PCNX1: variants seen among roughly 807,000 people sequenced by gnomAD.
PCNX1 encodes pecanex 1.
In PCNX1, 78 loss-of-function variants were observed where a neutral mutation model predicts 242.2. That is an observed-to-expected ratio of 0.32 (90% CI 0.27 to 0.39). The LOEUF is 0.39. Ranked by LOEUF, PCNX1 falls within the 10% of genes least tolerant of loss-of-function variation. The probability of loss-of-function intolerance (pLI) is 1.00; values close to 1 mark genes in which losing one functional copy is unlikely to be tolerated. For synonymous variants in PCNX1, 1,024 were observed against 1,032.9 expected (o/e 0.99, Z 0.17); for missense variants, 2,581 against 2,856.5 (o/e 0.90, Z 2.20).
chr14:70,968,933 T>C (rs1420074305), intron 4 of PCNX1, 88 bp from the exon 5 acceptor site: 6 of 744,028 alleles, frequency 8.1e-6, no homozygotes, highest in Admixed American at 6.1e-5. Context: ...ACATTAGTAC[T>C]CCTTGATGTA....
At chr14:70,939,879 T>C (rs1480406794) in intron 1 of PCNX1, among the ~76,000 whole-genome samples, 1 of 152,256 alleles carries the variant, frequency 6.6e-6, no homozygotes, top group African/African-American at 2.4e-5. Flanking sequence ...TTTACCGTTA[T>C]GCAATGGCCT....
intron 19 of PCNX1, among the ~76,000 whole-genome samples, chr14:71,042,445 T>G (rs1301334904): frequency 6.6e-6 from 1 of 152,124 alleles, no homozygotes; most frequent in Non-Finnish European, 1.5e-5. Context: ...TTTCATGTCT[T>G]TTGACTTGCA....
rs1023768675 is a variant in PCNX1, at chr14:70,948,743, A to G, written c.362+1620A>G. Among the ~76,000 whole-genome samples, 14 of 149,038 alleles carry G rather than the reference A, an allele frequency of 9.4e-5. No individual in the cohort carries two copies. In the East Asian group the frequency reaches 2.8e-3, roughly 30 times the overall value. ...AGTGTATATACATATATATGTGTAT[A>G]TGTACATATATGTACATATACACAT... On this transcript the variant is annotated intron_variant, in intron 2 of 35. Coordinates refer to ENST00000304743, the MANE Select transcript of PCNX1 (RefSeq NM_014982.3).
intron 26 of PCNX1, among the ~76,000 whole-genome samples, chr14:71,068,402 G>C (rs1028949672): frequency 2.7e-5 from 4 of 148,244 alleles, no homozygotes; most frequent in African/African-American, 9.9e-5. Flanking sequence ...TTATGTATAC[G>C]TATATATATG....
At chr14:70,941,530 A>C (rs1426533122) in intron 1 of PCNX1, among the ~76,000 whole-genome samples, 1 of 152,212 alleles carries the variant, frequency 6.6e-6, no homozygotes, top group African/African-American at 2.4e-5. Flanking sequence ...ATGAGGTGTC[A>C]GTCGACCCGT....
chr14:70,925,314 T>C (rs994707391), intron 1 of PCNX1, among the ~76,000 whole-genome samples: 2 of 152,308 alleles, frequency 1.3e-5, no homozygotes, highest in Admixed American at 6.5e-5. Flanking sequence ...TGTAATTGTT[T>C]TGCATGGTAC....
At chr14:71,013,880 G>A (rs537200828) in intron 11 of PCNX1, among the ~76,000 whole-genome samples, 2 of 152,330 alleles carry the variant, frequency 1.3e-5, no homozygotes, top group Admixed American at 1.3e-4. Flanking sequence ...AGAACTGAGA[G>A]TCCAGGGAGG....
intron 8 of PCNX1, among the ~76,000 whole-genome samples, chr14:71,006,321 C>G (rs1192393653): frequency 6.6e-6 from 1 of 152,064 alleles, no homozygotes; most frequent in African/African-American, 2.4e-5. Context: ...TTTAGAGATG[C>G]AGTCCCTTGG....
At position 71,108,777 on chromosome 14, in the gene PCNX1, C is replaced by T; in HGVS notation, c.6475C>T (p.Arg2159Ter). ...CTCTTCTACTAGTCAGATATCGCTT[C>T]GAAACTTGCCATCATCCATCCAATC... ...RRSSTSQISL[R>*]NLPSSIQSRL... Residue 2159 changes from arginine (R) to a stop codon, truncating the protein, a stop_gained, in exon 34 of 36, where the codon CGA (arginine) becomes TGA (stop). Transcript: ENST00000304743. LOFTEE classifies it high-confidence loss of function. 2 of 1,614,238 alleles carry T rather than the reference C, an allele frequency of 1.2e-6. No homozygotes were observed. Among genetic ancestry groups the T allele is most frequent in the Non-Finnish European group, 1.7e-6 (2 of 1,180,036 alleles).
At chr14:70,986,136 A>G (rs576297186) in intron 6 of PCNX1, among the ~76,000 whole-genome samples, 1 of 152,216 alleles carries the variant, frequency 6.6e-6, no homozygotes, top group South Asian at 2.1e-4. Context: ...TGTAAGTAGC[A>G]CATTCCCAGG....
intron 30 of PCNX1, chr14:71,093,969 T>C (rs550860309): frequency 6.6e-6 from 1 of 152,348 alleles, no homozygotes; most frequent in African/African-American, 2.4e-5. Context: ...ACTATGTTAT[T>C]AGTAAGGCTT....
intron 10 of PCNX1, chr14:71,011,928 G>A (rs560313983): frequency 1.1e-5 from 2 of 177,324 alleles, no homozygotes; most frequent in Non-Finnish European, 2.3e-5. Flanking sequence ...AAACTGCATA[G>A]GAAAGCAAAC....
At chr14:71,043,243 T>C (rs1042907063) in intron 19 of PCNX1, among the ~76,000 whole-genome samples, 22 of 152,174 alleles carry the variant, frequency 1.4e-4, no homozygotes, top group African/African-American at 4.8e-4. Flanking sequence ...TTTTTGTCTT[T>C]GACTTTTGAC....
At chr14:71,106,297 C>T (rs1210332853) in intron 33 of PCNX1, among the ~76,000 whole-genome samples, 1 of 152,146 alleles carries the variant, frequency 6.6e-6, no homozygotes, top group Non-Finnish European at 1.5e-5. Context: ...AGATTACAGG[C>T]GTGAGCCACC....
intron 2 of PCNX1, among the ~76,000 whole-genome samples, chr14:70,959,164 T>G (rs796185801): frequency 9.2e-5 from 14 of 151,842 alleles, no homozygotes; most frequent in African/African-American, 3.4e-4. Flanking sequence ...TAGCATTTTC[T>G]AAGTTTTGTG....
At chr14:70,931,456 C>G (rs999748118) in intron 1 of PCNX1, among the ~76,000 whole-genome samples, 1 of 146,816 alleles carries the variant, frequency 6.8e-6, no homozygotes, top group Non-Finnish European at 1.5e-5. Context: ...TAGTTTTCAT[C>G]TCCTGAAAGA....
intron 26 of PCNX1, among the ~76,000 whole-genome samples, chr14:71,071,846 C>T (rs2061594286): frequency 1.3e-5 from 2 of 152,134 alleles, no homozygotes; most frequent in Admixed American, 6.6e-5. Flanking sequence ...TACTTAAACA[C>T]TTAGAGGCCA....
chr14:71,066,591 A>G (rs567689555), intron 26 of PCNX1, among the ~76,000 whole-genome samples: 3 of 152,020 alleles, frequency 2.0e-5, no homozygotes, highest in African/African-American at 7.2e-5. Context: ...CTATTTAAAT[A>G]CCCTTTATTT....
At chr14:71,097,836 A>G (rs1178660618) in intron 30 of PCNX1, among the ~76,000 whole-genome samples, 2 of 152,166 alleles carry the variant, frequency 1.3e-5, no homozygotes, top group Non-Finnish European at 2.9e-5. Flanking sequence ...TTTAGGACTT[A>G]GTCATAAATT....
Sources: gnomAD v4.1 joint callset for allele counts (sites outside exome capture counted in the v4.1 genomes callset) on GRCh38, gnomAD v4.1.1 for gene constraint, MANE v1.5 for transcripts, NCBI Gene and HGNC (gene_info 2026-07-23, HGNC 2026-07-21) for gene names.